Variants in MYO5B observed in about 807,000 individuals in gnomAD.
MYO5B encodes the protein myosin VB.
A neutral mutation model predicts 229.3 loss-of-function variants in MYO5B; 143 were observed. The observed-to-expected ratio is 0.62, with a 90% CI of 0.54 to 0.72. The LOEUF (loss-of-function observed/expected upper bound fraction) is 0.72, where lower values mean the gene tolerates loss of function less well. MYO5B is among the 30% of genes least tolerant of loss of function. The pLI is 0.00. For synonymous variants in MYO5B, 918 were observed against 885.2 expected, an observed-to-expected ratio of 1.04 and a Z score of -0.66; for missense variants, 2,321 against 2,331.0, an observed-to-expected ratio of 1.00 and a Z score of 0.09.
At chr18:49,898,031 G>A (rs1474625265) in intron 21 of MYO5B, among the ~76,000 whole-genome samples, 1 of 152,134 alleles carries the variant, frequency 6.6e-6, no homozygotes, top group Admixed American at 6.5e-5. Context: ...TGTTACACCT[G>A]CCTATGATAT....
chr18:49,954,281 G>T, intron 13 of MYO5B, 32 bp downstream of exon 13: 1 of 1,613,096 alleles, frequency 6.2e-7, no homozygotes, highest in Non-Finnish European at 8.5e-7. Context: ...AGGGGCCAAG[G>T]GAATACCCGA....
At chr18:50,151,286 T>C (rs2032594274) in intron 1 of MYO5B, among the ~76,000 whole-genome samples, 1 of 152,236 alleles carries the variant, frequency 6.6e-6, no homozygotes, top group South Asian at 2.1e-4. Context: ...TCCATCATAC[T>C]ATAGCCCACC....
At chr18:49,856,755 T>TAGACATG (rs1483627120) in intron 30 of MYO5B, 58 bp downstream of exon 30, 15 of 1,424,028 alleles carry the variant, frequency 1.1e-5, no homozygotes, top group East Asian at 9.1e-5. Context: ...CGGTTAAGCA[T>TAGACATG]AGACATGAGC....
intron 1 of MYO5B, among the ~76,000 whole-genome samples, chr18:50,111,394 A>G (rs73430313): frequency 0.15 from 23,258 of 152,226 alleles, 3,247 homozygotes; most frequent in African/African-American, 0.38. Context: ...TCACAGATTG[A>G]AAGATACACA....
intron 33 of MYO5B, among the ~76,000 whole-genome samples, chr18:49,845,912 G>A (rs1201263104): frequency 2.0e-5 from 3 of 152,210 alleles, no homozygotes; most frequent in Non-Finnish European, 4.4e-5. Flanking sequence ...CCTGGCCCTT[G>A]CTGAGCAGCC....
At chr18:49,849,729 C>T (rs867029487) in intron 31 of MYO5B, 69 bp from the exon 32 acceptor site, 50 of 1,307,056 alleles carry the variant, frequency 3.8e-5, no homozygotes, top group Middle Eastern at 1.8e-4. Context: ...TAAAATCCTG[C>T]TTGCAGTTGG....
At chr18:49,934,909 G>C (rs957183973) in intron 16 of MYO5B, among the ~76,000 whole-genome samples, 6 of 152,138 alleles carry the variant, frequency 3.9e-5, no homozygotes, top group Non-Finnish European at 8.8e-5. Context: ...TTCACAGAAA[G>C]AAATTATACT....
rs530491680 is a variant in MYO5B, at chr18:49,835,384, A to G, written c.5354T>C (p.Phe1785Ser). The change falls in exon 39 of 40, where the codon TTT (phenylalanine) becomes TCT (serine). Residue 1785 changes from phenylalanine to serine, a missense_variant. This residue lies in a region of MYO5B where 208 missense variants were observed against 286.3 expected (regional missense o/e 0.73). Coordinates refer to ENST00000285039, the MANE Select transcript of MYO5B (RefSeq NM_001080467.3). ...AAAGGCCACTGTTACCCGTTCTTCA[A>G]ATTCATTCAGGGGAGTATAAAGGTT... ...ILNLYTPLNEFEERVTVAFIR... is the reference protein window; with the variant it reads ...ILNLYTPLNESEERVTVAFIR... 7 of 1,612,474 alleles carry G rather than the reference A, an allele frequency of 4.3e-6. No individual in the cohort carries two copies. Among genetic ancestry groups the G allele is most frequent in the East Asian group, 4.5e-5 (2 of 44,890 alleles).
chr18:49,843,625 CTAAT>C (rs2144042342), intron 33 of MYO5B, among the ~76,000 whole-genome samples: 1 of 152,372 alleles, frequency 6.6e-6, no homozygotes, highest in South Asian at 2.1e-4. Flanking sequence ...AACCACATTC[CTAAT>C]TGTCTGCACT....
Position 49,836,867 on chromosome 18 carries a change from A to C in MYO5B, c.5157T>G (p.Leu1719=). The change falls in exon 38 of 40, where the codon CTT becomes CTG. Residue 1719 remains leucine, a synonymous_variant. Coordinates refer to ENST00000285039, the MANE Select transcript of MYO5B (RefSeq NM_001080467.3). ...GGTTTCTTCCCCGAAGCCACTCCTCAAGCTGACTTATATTGTACCTTAGCC... is the reference window on the plus strand; with the variant it reads ...GGTTTCTTCCCCGAAGCCACTCCTCCAGCTGACTTATATTGTACCTTAGCC... The part of the protein sequence containing the change: ...GMQLRYNISQ[L]EEWLRGRNLH... 6.2e-7 allele frequency: 1 copy of C among 1,614,018 alleles called. No homozygotes were observed. The highest frequency in any genetic ancestry group is 8.5e-7 in the Non-Finnish European group (1 of 1,179,922).
intron 1 of MYO5B, among the ~76,000 whole-genome samples, chr18:50,175,883 C>CT (rs1419056570): frequency 1.3e-5 from 2 of 152,266 alleles, no homozygotes. Context: ...CTGCACCAAG[C>CT]TAAGTCCACC....
At chr18:49,974,641 C>A in intron 9 of MYO5B, 26 bp from the exon 10 acceptor site, 1 of 1,608,776 alleles carries the variant, frequency 6.2e-7, no homozygotes, top group South Asian at 1.1e-5. Flanking sequence ...GAGATAGGTT[C>A]AGGAGGAGTG....
At chr18:50,061,405 T>A (rs1440731547) in intron 1 of MYO5B, among the ~76,000 whole-genome samples, 1 of 152,196 alleles carries the variant, frequency 6.6e-6, no homozygotes, top group Admixed American at 6.5e-5. Flanking sequence ...GAAATCCTGA[T>A]GGGATTTTGG....
At chr18:50,144,067 A>T (rs2032461540) in intron 1 of MYO5B, among the ~76,000 whole-genome samples, 1 of 152,214 alleles carries the variant, frequency 6.6e-6, no homozygotes, top group East Asian at 1.9e-4. Context: ...TCTTCTGGGC[A>T]TGTAACATCA....
At chr18:50,043,567 T>C (rs1236636191) in intron 2 of MYO5B, among the ~76,000 whole-genome samples, 2 of 128,300 alleles carry the variant, frequency 1.6e-5, no homozygotes, top group African/African-American at 6.1e-5. Context: ...TATAAGTATA[T>C]ATATTTTTAT....
intron 34 of MYO5B, 120 bp from the exon 35 acceptor site, chr18:49,841,574 TG>T: frequency 1.1e-6 from 1 of 908,514 alleles, no homozygotes; most frequent in Non-Finnish European, 1.8e-6. Context: ...GCCCTGAGGC[TG>T]GGCAGGGCAC....
intron 12 of MYO5B, among the ~76,000 whole-genome samples, chr18:49,961,794 C>A (rs34900254): frequency 1.3e-5 from 2 of 152,102 alleles, no homozygotes; most frequent in Non-Finnish European, 2.9e-5. Context: ...AGCACTCACC[C>A]CATCCCACCA....
At chr18:50,176,632 C>CA (rs2033000623) in intron 1 of MYO5B, among the ~76,000 whole-genome samples, 1 of 152,178 alleles carries the variant, frequency 6.6e-6, no homozygotes, top group African/African-American at 2.4e-5. Context: ...TCTTGATGGT[C>CA]AAAGAGCCAC....
chr18:50,158,430 C>T (rs999970327), intron 1 of MYO5B, among the ~76,000 whole-genome samples: 3 of 152,200 alleles, frequency 2.0e-5, no homozygotes, highest in African/African-American at 7.2e-5. Flanking sequence ...TTTTCATCTA[C>T]ATTTTTACCT....
Sources: gnomAD v4.1 joint callset for allele counts (sites outside exome capture counted in the v4.1 genomes callset) on GRCh38, gnomAD v4.1.1 for gene constraint, gnomAD v4.1.1 regional missense constraint, MANE v1.5 for transcripts, NCBI Gene and HGNC (gene_info 2026-07-23, HGNC 2026-07-21) for gene names.